Variants in AMACR observed in about 807,000 individuals in gnomAD.
AMACR encodes the protein alpha-methylacyl-CoA racemase.
Under a neutral mutation model 22.2 loss-of-function variants are expected in AMACR, and 18 were observed. The observed-to-expected ratio is 0.81, with a 90% CI of 0.56 to 1.20. AMACR has a LOEUF of 1.20. Among genes scored for constraint, AMACR ranks in the 50% most tolerant of loss-of-function variants. AMACR has a pLI of 0.00. For synonymous variants in AMACR, 213 were observed against 191.3 expected (o/e 1.11, Z -0.94); for missense variants, 499 against 490.6 (o/e 1.02, Z -0.16).
At chr5:34,003,301 T>C (rs1270850286) in intron 3 of AMACR, among the ~76,000 whole-genome samples, 1 of 152,162 alleles carries the variant, frequency 6.6e-6, no homozygotes, top group Non-Finnish European at 1.5e-5. Flanking sequence ...GAAAGGCACT[T>C]TAAAACTGAA....
At position 33,988,047 on chromosome 5, in the gene AMACR, C is replaced by T. The variant is rs185698098; in HGVS notation, c.*1046G>A. ...CGATTGTTGAACGGCAGTTGAGATA[C>T]TGCGCAGAATGGACCTTATTGATGG... On this transcript the variant is annotated 3_prime_UTR_variant, in exon 5 of 5. Transcript: ENST00000335606. 5.0e-4 allele frequency: 150 copies of T among 299,540 alleles called. No individual in the cohort carries two copies. The highest frequency in any genetic ancestry group is 2.9e-3 in the African/African-American group (137 of 46,634). The allele number at this position is 299,540 out of a possible 1,614,324, so 18.6% of individuals were successfully genotyped here.
chr5:33,994,710 T>A (rs1753584476), intron 4 of AMACR, among the ~76,000 whole-genome samples: 1 of 151,492 alleles, frequency 6.6e-6, no homozygotes, highest in Admixed American at 6.6e-5. Context: ...TGAAGGGAGA[T>A]GAGGGTTAAG....
At chr5:33,993,979 A>C (rs1336248222) in intron 4 of AMACR, 2 of 449,408 alleles carry the variant, frequency 4.5e-6, no homozygotes, top group African/African-American at 4.0e-5. Context: ...TGCTATCTCA[A>C]AATGTCATAA....
rs1462896396 is a variant in AMACR, at chr5:33,987,693, T to C, written c.*1400A>G. 2 of 152,244 alleles carry C rather than the reference T, an allele frequency of 1.3e-5. No individual in the cohort carries two copies. Among genetic ancestry groups the C allele is most frequent in the Non-Finnish European group, 2.9e-5 (2 of 68,050 alleles). 9.4% of individuals were successfully genotyped at this position (152,244 alleles called of 1,614,324 possible). A position where few individuals can be genotyped will look rare whatever the true frequency, so the allele number is the denominator to read the frequency against. On this transcript the variant is annotated 3_prime_UTR_variant, in exon 5 of 5. Coordinates refer to ENST00000335606, the MANE Select transcript of AMACR (RefSeq NM_014324.6). ...AGAAAATGAGGGCAGCAGTGTCCAA[T>C]CTCATTCCAGGTGAGAAGTTGCACA...
chr5:33,989,374 T>C lies in AMACR; in HGVS notation c.868A>G (p.Thr290Ala), dbSNP rs759217337. The C allele has an allele frequency of 4.3e-6, 7 of 1,614,222 alleles. No homozygotes were observed. The highest frequency in any genetic ancestry group is 1.1e-5 in the South Asian group (1 of 91,088). Residue 290 changes from threonine to alanine, a missense_variant, in exon 5 of 5, where the codon ACA becomes GCA. Coordinates refer to ENST00000335606, the MANE Select transcript of AMACR (RefSeq NM_014324.6). ...AGAACCGGAGTCACACAGGCATCTG[T>C]GCCGTCAAAGATTTGACACCACTCT... ...KAEWCQIFDG[T>A]DACVTPVLTF... is the part of the protein sequence containing the mutation.
intron 2 of AMACR, among the ~76,000 whole-genome samples, chr5:34,005,389 G>T (rs1488392721): frequency 1.3e-5 from 2 of 151,928 alleles, no homozygotes; most frequent in Non-Finnish European, 2.9e-5. Context: ...TTCGGGGTCC[G>T]GGGGAGAAGT....
chr5:33,994,164 C>T (rs1411531766), intron 4 of AMACR: 5 of 424,832 alleles, frequency 1.2e-5, no homozygotes, highest in Admixed American at 8.0e-5. Context: ...ATTAGTACTA[C>T]CTCAAAAATT....
chr5:34,002,042 G>C (rs899223904), intron 3 of AMACR, among the ~76,000 whole-genome samples: 10 of 152,124 alleles, frequency 6.6e-5, no homozygotes, highest in Non-Finnish European at 1.5e-4. Flanking sequence ...TGTCACCCAG[G>C]CTGAAGTGTA....
At chr5:33,996,238 C>G (rs760299712) in intron 4 of AMACR, among the ~76,000 whole-genome samples, 3 of 152,058 alleles carry the variant, frequency 2.0e-5, no homozygotes, top group Non-Finnish European at 4.4e-5. Context: ...AAGATGCTGA[C>G]CAAAAAACTC....
At chr5:34,001,770 A>C (rs890561770) in intron 3 of AMACR, among the ~76,000 whole-genome samples, 3 of 152,180 alleles carry the variant, frequency 2.0e-5, no homozygotes, top group Non-Finnish European at 4.4e-5. Context: ...TTCTGCTGCT[A>C]AACACTGTGA....
intron 4 of AMACR, among the ~76,000 whole-genome samples, chr5:33,998,234 G>A (rs575227283): frequency 1.3e-5 from 2 of 152,318 alleles, no homozygotes; most frequent in East Asian, 3.9e-4. Context: ...ATGCTCTGGT[G>A]ACTTCTGACA....
intron 4 of AMACR, among the ~76,000 whole-genome samples, chr5:33,991,640 A>G (rs1753476624): frequency 1.3e-5 from 2 of 152,154 alleles, no homozygotes; most frequent in Admixed American, 1.3e-4. Context: ...TTACTGCTTT[A>G]TAATATTAAG....
rs2112079036 is a variant in AMACR at position 34,008,048 on chromosome 5, A to C, written c.-29T>G. 1 of 1,606,844 alleles carries C rather than the reference A, an allele frequency of 6.2e-7. No individual in the cohort carries two copies. Among genetic ancestry groups the C allele is most frequent in the Non-Finnish European group, 8.5e-7 (1 of 1,179,564 alleles). On this transcript the variant is annotated 5_prime_UTR_variant, in exon 1 of 5. Coordinates refer to ENST00000335606, the MANE Select transcript of AMACR (RefSeq NM_014324.6). ...GCTTCCCAGTGCCCCGCTGAAGGAA[A>C]CTGAGCAGCCCTTAGCCCCAGCCCA...
intron 3 of AMACR, among the ~76,000 whole-genome samples, chr5:34,001,742 G>A (rs1437700854): frequency 6.6e-6 from 1 of 152,132 alleles, no homozygotes; most frequent in Non-Finnish European, 1.5e-5. Context: ...CTCTTCACAG[G>A]CAGGCCCAGG....
chr5:33,988,705 C>A lies in AMACR; in HGVS notation c.*388G>T. 1.7e-6 allele frequency: 2 copies of A among 1,194,060 alleles called. No individual in the cohort carries two copies. Among genetic ancestry groups the A allele is most frequent in the East Asian group, 4.6e-5 (1 of 21,676 alleles). 74.0% of individuals were successfully genotyped at this position (1,194,060 alleles called of 1,614,324 possible). On this transcript the variant is annotated 3_prime_UTR_variant, in exon 5 of 5. Coordinates refer to ENST00000335606, the MANE Select transcript of AMACR (RefSeq NM_014324.6). The stretch of plus-strand genomic sequence containing the variant: ...ACTTTTATCACCATACAATTTGTGG[C>A]ATTTCCTCATTTTCTACATTGTAGA...
At chr5:33,997,008 A>C (rs1267987332) in intron 4 of AMACR, 10 of 626,796 alleles carry the variant, frequency 1.6e-5, no homozygotes, top group Non-Finnish European at 2.9e-5. Flanking sequence ...TTTTTTTTTA[A>C]TTTTACACGT....
In AMACR at chr5:34,007,902, G is replaced by A; in HGVS notation, c.118C>T (p.Arg40Cys). 3 of 1,604,006 alleles carry A rather than the reference G, an allele frequency of 1.9e-6. No individual in the cohort carries two copies. Among genetic ancestry groups the A allele is most frequent in the Non-Finnish European group, 2.5e-6 (3 of 1,177,258 alleles). ...CGGCCCAAGCGGCTCACGTCGTAGC[G>A]GGAGCCGGGCCGGTCCACGCGTACC... is the stretch of plus-strand genomic sequence containing the variant. The part of the protein sequence containing the change: ...RVVRVDRPGS[R>C]YDVSRLGRGK... Residue 40 changes from arginine (R) to cysteine (C), a missense_variant, in exon 1 of 5, where the codon CGC (arginine) becomes TGC (cysteine). Physicochemically the swap from Arg to Cys is radical, Grantham distance 180. Coordinates refer to ENST00000335606, the MANE Select transcript of AMACR (RefSeq NM_014324.6).
intron 3 of AMACR, among the ~76,000 whole-genome samples, chr5:34,001,051 A>G (rs1753799970): frequency 1.3e-5 from 2 of 152,266 alleles, no homozygotes. Context: ...ATACAGCAGG[A>G]ACCCTCCTCG....
chr5:33,988,402 G>C lies in AMACR; in HGVS notation c.*691C>G. The C allele has an allele frequency of 6.5e-7, 1 of 1,537,222 alleles. No individual in the cohort carries two copies. Among genetic ancestry groups the C allele is most frequent in the African/African-American group, 1.4e-5 (1 of 73,168 alleles). ...ACACATGGAGAAAGGAAAGCTGACA[G>C]CCCAGAGACCCACGGGGAAACAGGC... On this transcript the variant is annotated 3_prime_UTR_variant, in exon 5 of 5. Transcript: ENST00000335606.
Sources: allele counts gnomAD v4.1 joint callset (sites outside exome capture counted in the v4.1 genomes callset), GRCh38; gene constraint gnomAD v4.1.1; transcripts MANE v1.5; gene names NCBI Gene and HGNC (gene_info 2026-07-23, HGNC 2026-07-21).